Variants in UBP1 observed in about 807,000 individuals in gnomAD.
The protein encoded by UBP1 is upstream-binding protein 1.
Under a neutral mutation model 76.1 loss-of-function variants are expected in UBP1, and 22 were observed. That is an observed-to-expected ratio of 0.29 (90% CI 0.21 to 0.41). The LOEUF is 0.41. Among genes scored for constraint, UBP1 ranks in the 10% least tolerant of loss-of-function variants. The probability of loss-of-function intolerance (pLI) is 1.00; values close to 1 mark genes in which losing one functional copy is unlikely to be tolerated. For missense variants in UBP1, 436 were observed against 668.1 expected (o/e 0.65, Z 3.83); for synonymous variants, 224 against 237.1 (o/e 0.94, Z 0.51).
chr3:33,404,582 G>C (rs953982732), intron 8 of UBP1, among the ~76,000 whole-genome samples: 1 of 151,890 alleles, frequency 6.6e-6, no homozygotes, highest in African/African-American at 2.4e-5. Flanking sequence ...GGGAAGGGGA[G>C]GCTGCAGTGA....
rs758664629 is a variant in UBP1, at chr3:33,401,029, G to GAGAA, written c.1032-17_1032-14dup. Reference sequence around the variant, plus strand: ...GGAAGAAGAATTGCTGGGGAGAAAGGAGAAAGAAGGAAATGATGATTTTTA... The same window carrying GAGAA: ...GGAAGAAGAATTGCTGGGGAGAAAGGAGAAAGAAAGAAGGAAATGATGATTTTTA... On this transcript the variant is annotated splice_polypyrimidine_tract_variant and intron_variant, in intron 9 of 15. Coordinates refer to ENST00000283629, the MANE Select transcript of UBP1 (RefSeq NM_014517.5). The GAGAA allele has an allele frequency of 2.1e-5, 33 of 1,582,122 alleles. No individual in the cohort carries two copies. In the African/African-American group the frequency reaches 4.4e-4, roughly 21 times the overall value.
At chr3:33,395,048 G>A (rs545942581) in intron 13 of UBP1, among the ~76,000 whole-genome samples, 5 of 152,238 alleles carry the variant, frequency 3.3e-5, no homozygotes, top group Non-Finnish European at 7.4e-5. Flanking sequence ...ACTCATGTTT[G>A]AGAATACACC....
At chr3:33,405,657 T>C (rs575991210) in intron 8 of UBP1, among the ~76,000 whole-genome samples, 1 of 152,256 alleles carries the variant, frequency 6.6e-6, no homozygotes, top group East Asian at 1.9e-4. Flanking sequence ...CGAGAACCTG[T>C]CTCAAGTGTC....
intron 13 of UBP1, among the ~76,000 whole-genome samples, chr3:33,395,416 T>C (rs2043935996): frequency 1.3e-5 from 2 of 151,850 alleles, no homozygotes; most frequent in African/African-American, 4.8e-5. Context: ...ATCCATACAA[T>C]AAATGAGAAA....
chr3:33,403,201 C>T (rs1480189955), intron 8 of UBP1: 1 of 298,942 alleles, frequency 3.3e-6, no homozygotes, highest in African/African-American at 2.3e-5. Flanking sequence ...GAAGAGCTTT[C>T]TCCTCCCTCT....
At chr3:33,432,592 T>C (rs1047227799) in intron 1 of UBP1, among the ~76,000 whole-genome samples, 1 of 152,294 alleles carries the variant, frequency 6.6e-6, no homozygotes, top group East Asian at 1.9e-4. Flanking sequence ...CAAGGCTAAA[T>C]AGCATTCACA....
chr3:33,430,857 A>G (rs1271111957), intron 1 of UBP1, among the ~76,000 whole-genome samples: 1 of 152,142 alleles, frequency 6.6e-6, no homozygotes, highest in Non-Finnish European at 1.5e-5. Flanking sequence ...CTCCTTTGCA[A>G]TCAAATACTT....
intron 4 of UBP1, 23 bp downstream of exon 4, chr3:33,412,699 G>A: frequency 6.9e-7 from 1 of 1,449,422 alleles, no homozygotes; most frequent in South Asian, 1.1e-5. Context: ...TCATCTCCAT[G>A]GTCTTTTGAT....
intron 10 of UBP1, among the ~76,000 whole-genome samples, chr3:33,400,718 G>A (rs1254250066): frequency 6.6e-6 from 1 of 152,112 alleles, no homozygotes; most frequent in Non-Finnish European, 1.5e-5. Context: ...ATTAAAGGGT[G>A]CAAACAAACA....
In UBP1 at chr3:33,417,064, C is replaced by T. The variant is rs538994270; in HGVS notation, c.266-230G>A. Among the ~76,000 whole-genome samples the T allele has an allele frequency of 2.0e-5, 3 of 152,202 alleles. No homozygotes were observed. In the South Asian group the frequency reaches 6.2e-4, roughly 31 times the overall value. On this transcript the variant is annotated intron_variant, in intron 2 of 15. Transcript: ENST00000283629. ...TTCTCTGTCAATTTATCTTCATCTG[C>T]CACTCTCTTACACTAAACTTTTATT...
chr3:33,400,978 G>A lies in UBP1; in HGVS notation c.1070C>T (p.Ser357Leu). 1.3e-6 allele frequency: 2 copies of A among 1,596,210 alleles called. No homozygotes were observed. Among genetic ancestry groups the A allele is most frequent in the Non-Finnish European group, 1.7e-6 (2 of 1,173,876 alleles). ...SSPNHQGDGA[S>L]QTSGEQIQPS... ...GATACTTACTTCACCAGAGGTCTGT[G>A]AAGCTCCATCTCCCTGATGATTTGG... The change falls in exon 10 of 16, where the codon TCA (serine) becomes TTA (leucine). Residue 357 changes from serine (S) to leucine (L), a missense_variant. Ser to Leu is a moderately radical substitution (Grantham distance 145). Around this residue, in one of 3 missense-constraint regions of UBP1, gnomAD observed 210 missense variants for 272.8 expected, o/e 0.77. Transcript: ENST00000283629.
At chr3:33,424,726 T>G (rs1307374090) in intron 2 of UBP1, among the ~76,000 whole-genome samples, 1 of 152,338 alleles carries the variant, frequency 6.6e-6, no homozygotes, top group East Asian at 1.9e-4. Context: ...GTGCCCAAAC[T>G]GCAAAGGGCA....
intron 11 of UBP1, chr3:33,398,061 T>G (rs969650577): frequency 1.2e-4 from 18 of 152,298 alleles, no homozygotes; most frequent in African/African-American, 4.3e-4. Flanking sequence ...TTTTTGAAGG[T>G]AGGAGATGGC....
intron 1 of UBP1, among the ~76,000 whole-genome samples, chr3:33,434,595 C>T (rs766733009): frequency 6.6e-6 from 1 of 151,606 alleles, no homozygotes; most frequent in Non-Finnish European, 1.5e-5. Context: ...TGACTCTATC[C>T]TTTAGAGCAG....
intron 1 of UBP1, among the ~76,000 whole-genome samples, chr3:33,426,374 T>C (rs1323688666): frequency 3.3e-5 from 5 of 152,052 alleles, no homozygotes; most frequent in African/African-American, 4.8e-5. Context: ...ATTGGGAGAA[T>C]GATGAGGGGT....
chr3:33,404,037 G>T (rs576480467), intron 8 of UBP1, among the ~76,000 whole-genome samples: 3 of 152,316 alleles, frequency 2.0e-5, no homozygotes, highest in Admixed American at 2.0e-4. Flanking sequence ...GATAGCCCAG[G>T]ATAGCTTGAG....
intron 1 of UBP1, among the ~76,000 whole-genome samples, chr3:33,436,434 TA>T (rs1184540904): frequency 6.6e-6 from 1 of 152,240 alleles, no homozygotes; most frequent in African/African-American, 2.4e-5. Context: ...ACTATGGATG[TA>T]CCTCCCATTT....
intron 1 of UBP1, among the ~76,000 whole-genome samples, chr3:33,435,536 G>T (rs547326979): frequency 4.6e-5 from 7 of 152,282 alleles, no homozygotes; most frequent in Admixed American, 1.3e-4. Flanking sequence ...CTACTCTGTG[G>T]CTCAGGTGAG....
chr3:33,429,267 T>A (rs553721577), intron 1 of UBP1, among the ~76,000 whole-genome samples: 10 of 152,324 alleles, frequency 6.6e-5, no homozygotes, highest in African/African-American at 2.4e-4. Flanking sequence ...AAAACCTTGA[T>A]GGTTTTTGTA....
Sources: allele counts gnomAD v4.1 joint callset (sites outside exome capture counted in the v4.1 genomes callset), GRCh38; gene constraint gnomAD v4.1.1; regional missense constraint gnomAD v4.1.1; transcripts MANE v1.5; gene names NCBI Gene and HGNC (gene_info 2026-07-23, HGNC 2026-07-21).